The following EMCN variants were observed in gnomAD, a reference collection of about 807,000 sequenced individuals.
EMCN encodes the protein endomucin.
In EMCN, 37 loss-of-function variants were observed where a neutral mutation model predicts 38.4. The observed-to-expected ratio is 0.96, with a 90% confidence interval of 0.74 to 1.27. The LOEUF (loss-of-function observed/expected upper bound fraction) is 1.27, where lower values mean the gene tolerates loss of function less well. Among genes scored for constraint, EMCN ranks in the 50% most tolerant of loss-of-function variants. The pLI is 0.00. For missense variants in EMCN, 318 were observed against 302.8 expected (o/e 1.05, Z -0.37); for synonymous variants, 95 against 100.8 (o/e 0.94, Z 0.35).
intron 3 of EMCN, among the ~76,000 whole-genome samples, chr4:100,470,701 C>G: frequency 6.6e-6 from 1 of 151,820 alleles, no homozygotes; most frequent in Non-Finnish European, 1.5e-5. Flanking sequence ...TACCATGCAG[C>G]TATAAAAAAG....
chr4:100,509,517 G>A (rs1214160931), intron 1 of EMCN, among the ~76,000 whole-genome samples: 1 of 152,188 alleles, frequency 6.6e-6, no homozygotes, highest in East Asian at 1.9e-4. Context: ...GCTCATTAAT[G>A]TAGGAGTGGC....
At chr4:100,474,731 G>C (rs896077853) in intron 3 of EMCN, among the ~76,000 whole-genome samples, 1 of 152,148 alleles carries the variant, frequency 6.6e-6, no homozygotes, top group African/African-American at 2.4e-5. Context: ...TATGCTAAGT[G>C]AGAGAATCCA....
intron 1 of EMCN, among the ~76,000 whole-genome samples, chr4:100,494,215 T>C (rs896491735): frequency 1.3e-5 from 2 of 152,210 alleles, no homozygotes; most frequent in Admixed American, 1.3e-4. Context: ...TAAAAATATT[T>C]TGAGCTATGT....
intron 8 of EMCN, among the ~76,000 whole-genome samples, chr4:100,418,877 T>C (rs941716496): frequency 6.6e-6 from 1 of 152,040 alleles, no homozygotes; most frequent in African/African-American, 2.4e-5. Flanking sequence ...CTTTGATATA[T>C]TGATTTCCTG....
chr4:100,513,341 G>A (rs567838151), intron 1 of EMCN, among the ~76,000 whole-genome samples: 1 of 152,248 alleles, frequency 6.6e-6, no homozygotes, highest in South Asian at 2.1e-4. Flanking sequence ...CTCAACAGAA[G>A]TACTTAGCAA....
At chr4:100,428,189 T>A (rs1727103502) in intron 5 of EMCN, among the ~76,000 whole-genome samples, 1 of 152,120 alleles carries the variant, frequency 6.6e-6, no homozygotes, top group Non-Finnish European at 1.5e-5. Flanking sequence ...CCCTAGGTAA[T>A]CTGCCTGGCA....
chr4:100,488,991 C>T (rs1196171409), intron 1 of EMCN, among the ~76,000 whole-genome samples: 1 of 152,078 alleles, frequency 6.6e-6, no homozygotes, highest in Non-Finnish European at 1.5e-5. Flanking sequence ...ACAATAATTA[C>T]TTTTATTTAC....
chr4:100,443,725 A>G (rs1304574880), intron 5 of EMCN, among the ~76,000 whole-genome samples: 7 of 152,148 alleles, frequency 4.6e-5, no homozygotes, highest in Admixed American at 4.6e-4. Flanking sequence ...ATACAAATGA[A>G]TGCAGTTTCC....
chr4:100,485,254 G>C (rs927639173), intron 1 of EMCN, among the ~76,000 whole-genome samples: 1 of 152,010 alleles, frequency 6.6e-6, no homozygotes, highest in Non-Finnish European at 1.5e-5. Context: ...TTCATGCATT[G>C]CTACCTTGTA....
At chr4:100,429,447 T>C (rs1727139509) in intron 5 of EMCN, among the ~76,000 whole-genome samples, 1 of 152,134 alleles carries the variant, frequency 6.6e-6, no homozygotes, top group African/African-American at 2.4e-5. Flanking sequence ...ATAGGTAAAA[T>C]ATCACAGGAG....
At chr4:100,426,051 C>T (rs1727035720) in intron 5 of EMCN, among the ~76,000 whole-genome samples, 1 of 152,026 alleles carries the variant, frequency 6.6e-6, no homozygotes, top group South Asian at 2.1e-4. Context: ...TAATGTATGC[C>T]CAAATTTACC....
At chr4:100,459,796 T>C (rs894630533) in intron 4 of EMCN, among the ~76,000 whole-genome samples, 34 of 152,208 alleles carry the variant, frequency 2.2e-4, no homozygotes, top group African/African-American at 7.7e-4. Flanking sequence ...CTATTGTGTA[T>C]ATATACCACA....
chr4:100,459,239 G>A (rs1414196172), intron 4 of EMCN, among the ~76,000 whole-genome samples: 1 of 147,368 alleles, frequency 6.8e-6, no homozygotes, highest in Non-Finnish European at 1.5e-5. Context: ...CATCTCTAGA[G>A]AGAGAGACAG....
At chr4:100,454,841 G>C (rs1452707152) in intron 4 of EMCN, among the ~76,000 whole-genome samples, 2 of 152,016 alleles carry the variant, frequency 1.3e-5, no homozygotes, top group African/African-American at 4.8e-5. Context: ...AACCTTCTCT[G>C]TCTGATATTA....
chr4:100,482,626 G>A (rs1007243552), intron 1 of EMCN, among the ~76,000 whole-genome samples: 2 of 152,026 alleles, frequency 1.3e-5, no homozygotes, highest in African/African-American at 4.8e-5. Context: ...AACATAGTGC[G>A]CATGATCTGG....
intron 4 of EMCN, among the ~76,000 whole-genome samples, chr4:100,458,750 T>G (rs1728086549): frequency 6.6e-6 from 1 of 152,144 alleles, no homozygotes; most frequent in Non-Finnish European, 1.5e-5. Flanking sequence ...CTCAAACAGT[T>G]TTCCTTTTCC....
chr4:100,475,043 T>C lies in EMCN; in HGVS notation c.254A>G (p.Asp85Gly), dbSNP rs1464654070. ...AAAAATGAATCATTACTCACCTTCA[T>C]CTTTACTTGTTAAAAAAGTAGCTGT... ...MSTATFLTSK[D>G]EGLKATTTDV... Residue 85 changes from aspartate (D) to glycine (G), a missense_variant, in exon 3 of 12, where the codon GAT becomes GGT. Physicochemically the swap from Asp to Gly is moderately conservative, Grantham distance 94. Transcript: ENST00000296420. 1 of 1,509,918 alleles carries C rather than the reference T, an allele frequency of 6.6e-7. No individual in the cohort carries two copies. The highest frequency in any genetic ancestry group is 1.8e-5 in the Admixed American group (1 of 55,522). The allele number at this position is 1,509,918 out of a possible 1,614,324, so 93.5% of individuals were successfully genotyped here.
At chr4:100,458,634 T>C (rs1728082987) in intron 4 of EMCN, among the ~76,000 whole-genome samples, 1 of 152,152 alleles carries the variant, frequency 6.6e-6, no homozygotes, top group African/African-American at 2.4e-5. Context: ...AATTCAATGT[T>C]TGAGAAGGGG....
chr4:100,457,170 T>C (rs1250732828), intron 4 of EMCN, among the ~76,000 whole-genome samples: 1 of 146,326 alleles, frequency 6.8e-6, no homozygotes, highest in African/African-American at 2.6e-5. Context: ...TATGTCTTTT[T>C]TAAGCAACAT....
Sources: allele counts gnomAD v4.1 joint callset (sites outside exome capture counted in the v4.1 genomes callset), GRCh38; gene constraint gnomAD v4.1.1; transcripts MANE v1.5; gene names NCBI Gene and HGNC (gene_info 2026-07-23, HGNC 2026-07-21).